CFAP20DC: variants seen among roughly 807,000 people sequenced by gnomAD.
The protein encoded by CFAP20DC is protein CFAP20DC.
CFAP20DC carries 84 observed loss-of-function variants against 101.7 expected under a neutral mutation model. The ratio of observed to expected loss-of-function variants is 0.83; its 90% confidence interval spans 0.69 to 0.99. The LOEUF (loss-of-function observed/expected upper bound fraction) is 0.99. CFAP20DC is among the 50% of genes least tolerant of loss of function. The probability of loss-of-function intolerance (pLI) is 0.00; values close to 1 mark genes in which losing one functional copy is unlikely to be tolerated. For synonymous variants in CFAP20DC, 359 were observed against 351.2 expected, an observed-to-expected ratio of 1.02 and a Z score of -0.25; for missense variants, 1,007 against 970.3, an observed-to-expected ratio of 1.04 and a Z score of -0.50.
At chr3:58,954,976 A>C (rs1436526088) in intron 4 of CFAP20DC, among the ~76,000 whole-genome samples, 2 of 151,956 alleles carry the variant, frequency 1.3e-5, no homozygotes, top group Non-Finnish European at 2.9e-5. Flanking sequence ...TGTACCCAAA[A>C]AACTATTGAA....
intron 14 of CFAP20DC, among the ~76,000 whole-genome samples, chr3:58,818,141 C>T (rs1476520603): frequency 8.0e-5 from 12 of 150,680 alleles, no homozygotes; most frequent in Non-Finnish European, 1.6e-4. Context: ...CTGAAGGAAG[C>T]GCTAAACATG....
intron 4 of CFAP20DC, among the ~76,000 whole-genome samples, chr3:59,029,201 C>G (rs185626726): frequency 6.6e-6 from 1 of 152,114 alleles, no homozygotes; most frequent in Non-Finnish European, 1.5e-5. Flanking sequence ...GAGCCTATTA[C>G]GTGTCATGCC....
intron 4 of CFAP20DC, among the ~76,000 whole-genome samples, chr3:59,034,552 C>T (rs189515067): frequency 5.3e-5 from 8 of 152,152 alleles, no homozygotes; most frequent in African/African-American, 1.9e-4. Flanking sequence ...ATCCTAGTCT[C>T]TGATAAAACA....
downstream of CFAP20DC, among the ~76,000 whole-genome samples, chr3:58,739,443 G>C (rs2067832269): frequency 6.6e-6 from 1 of 152,086 alleles, no homozygotes; most frequent in Non-Finnish European, 1.5e-5. Flanking sequence ...CAATCATTTT[G>C]GATAAAAATG....
intron 3 of CFAP20DC, among the ~76,000 whole-genome samples, chr3:59,043,218 A>T (rs1396014037): frequency 6.6e-6 from 1 of 151,258 alleles, no homozygotes; most frequent in African/African-American, 2.4e-5. Flanking sequence ...AGTGCCAACG[A>T]CTGAGTCCAG....
intron 4 of CFAP20DC, among the ~76,000 whole-genome samples, chr3:58,966,784 C>T (rs1037171413): frequency 6.6e-5 from 10 of 152,140 alleles, no homozygotes; most frequent in African/African-American, 2.2e-4. Context: ...CTCAGCCTCC[C>T]AGGATGCTGC....
chr3:58,811,219 G>A (rs1001560607), intron 14 of CFAP20DC, among the ~76,000 whole-genome samples: 7 of 151,930 alleles, frequency 4.6e-5, no homozygotes, highest in South Asian at 2.1e-4. Context: ...AAGTTCATAC[G>A]GAACCAAAAA....
chr3:58,964,718 T>C lies in CFAP20DC; in HGVS notation c.279-26956A>G, dbSNP rs2091408626. On this transcript the variant is annotated intron_variant, in intron 4 of 16. Transcript: ENST00000482387. The surrounding 1 kb of genome is among the most constrained non-coding windows in gnomAD (Gnocchi z 4.1). ...ATCAAATTGCACACACATTTTTGTA[T>C]TATGCATTCATGACAAAATATTTCT... Among the ~76,000 whole-genome samples the C allele has an allele frequency of 6.6e-6, 1 of 152,240 alleles. No homozygotes were observed. The highest frequency in any genetic ancestry group is 2.4e-5 in the African/African-American group (1 of 41,470).
intron 12 of CFAP20DC, among the ~76,000 whole-genome samples, chr3:58,855,403 T>C (rs1460697511): frequency 5.3e-5 from 8 of 152,200 alleles, no homozygotes; most frequent in African/African-American, 1.7e-4. Context: ...TGTAAACTAG[T>C]TCAACCACTG....
At chr3:58,972,749 T>A (rs924635949) in intron 4 of CFAP20DC, among the ~76,000 whole-genome samples, 7 of 152,148 alleles carry the variant, frequency 4.6e-5, no homozygotes, top group African/African-American at 1.7e-4. Context: ...TATACTCAAT[T>A]TGTAAGTTTC....
intron 14 of CFAP20DC, among the ~76,000 whole-genome samples, chr3:58,813,035 T>C (rs1352310904): frequency 6.6e-6 from 1 of 151,902 alleles, no homozygotes; most frequent in Admixed American, 6.6e-5. Flanking sequence ...GTCTCAGTGT[T>C]AGTAAGTGTG....
intron 4 of CFAP20DC, among the ~76,000 whole-genome samples, chr3:58,967,990 C>T (rs576532186): frequency 6.6e-6 from 1 of 152,306 alleles, no homozygotes; most frequent in East Asian, 1.9e-4. Flanking sequence ...TGATAGTCTG[C>T]TAAAGATAAT....
intron 15 of CFAP20DC, among the ~76,000 whole-genome samples, chr3:58,758,244 T>C (rs1375744093): frequency 6.6e-6 from 1 of 152,154 alleles, no homozygotes; most frequent in Non-Finnish European, 1.5e-5. Flanking sequence ...TGTTTACATT[T>C]TTATATGTGA....
At chr3:58,946,712 T>C (rs911245776) in intron 4 of CFAP20DC, among the ~76,000 whole-genome samples, 2 of 151,922 alleles carry the variant, frequency 1.3e-5, no homozygotes, top group African/African-American at 4.8e-5. Flanking sequence ...AACATCCGAA[T>C]TGGTACAAGA....
In CFAP20DC at chr3:58,913,933, T is replaced by G. The variant is rs1330675253; in HGVS notation, c.394-69A>C. On this transcript the variant is annotated intron_variant, in intron 5 of 16. Coordinates refer to ENST00000482387, the MANE Select transcript of CFAP20DC (RefSeq NM_001394063.1). The surrounding 1 kb of genome is among the most constrained non-coding windows in gnomAD (Gnocchi z 4.4). ...CACATAAATGAACAAACCATCTATA[T>G]GTAGACATTCAAAGAGTTGAGGCAG... 1 of 1,522,276 alleles carries G rather than the reference T, an allele frequency of 6.6e-7. No individual in the cohort carries two copies. The highest frequency in any genetic ancestry group is 9.0e-7 in the Non-Finnish European group (1 of 1,105,930). The allele number at this position is 1,522,276 out of a possible 1,614,324, so 94.3% of individuals were successfully genotyped here.
chr3:58,961,818 T>C (rs895991930), intron 4 of CFAP20DC, among the ~76,000 whole-genome samples: 5 of 152,180 alleles, frequency 3.3e-5, no homozygotes, highest in African/African-American at 9.6e-5. Context: ...TGGCATAAAG[T>C]TGTTCACAGT....
Position 58,831,840 on chromosome 3 carries a change from A to G in CFAP20DC, c.2021T>C (p.Leu674Ser). ...YQPSQMSESE[L>S]QMLASLRWQQ... ...CCACCGTAGGCTTGCTAGCATCTGT[A>G]ACTCGGATTCACTCATCTGGCTTGG... The change falls in exon 14 of 17, where the codon TTA becomes TCA. Residue 674 changes from leucine (L) to serine (S), a missense_variant. By Grantham distance (145) the Leu-to-Ser change is moderately radical. Transcript: ENST00000482387. 6.2e-7 allele frequency: 1 copy of G among 1,614,086 alleles called. No individual in the cohort carries two copies. The highest frequency in any genetic ancestry group is 1.3e-5 in the African/African-American group (1 of 75,028).
At chr3:58,948,552 G>C (rs1267982305) in intron 4 of CFAP20DC, among the ~76,000 whole-genome samples, 1 of 152,108 alleles carries the variant, frequency 6.6e-6, no homozygotes, top group Non-Finnish European at 1.5e-5. Context: ...ATATATTCCA[G>C]TTTTGTCACT....
At chr3:58,851,259 G>C (rs1156692764) in intron 12 of CFAP20DC, among the ~76,000 whole-genome samples, 3 of 152,168 alleles carry the variant, frequency 2.0e-5, no homozygotes, top group Admixed American at 6.5e-5. Flanking sequence ...TGTTTGTGGA[G>C]TGTCTGGGTT....
Sources: allele counts gnomAD v4.1 joint callset (sites outside exome capture counted in the v4.1 genomes callset), GRCh38; gene constraint gnomAD v4.1.1; non-coding constraint Gnocchi (gnomAD v3.1); transcripts MANE v1.5; gene names NCBI Gene and HGNC (gene_info 2026-07-23, HGNC 2026-07-21).